LTBP3: variants seen among roughly 807,000 people sequenced by gnomAD.
LTBP3 encodes the protein latent transforming growth factor beta binding protein 3.
A neutral mutation model predicts 159.7 loss-of-function variants in LTBP3; 97 were observed. That is an observed-to-expected ratio of 0.61 (90% CI 0.52 to 0.72). LTBP3 has a LOEUF of 0.72. Among genes scored for constraint, LTBP3 ranks in the 30% least tolerant of loss-of-function variants. The pLI is 0.00. For synonymous variants in LTBP3, 824 were observed against 777.1 expected, an observed-to-expected ratio of 1.06 and a Z score of -1.00; for missense variants, 1,584 against 1,864.3, an observed-to-expected ratio of 0.85 and a Z score of 2.77.
chr11:65,551,402 C>A lies in LTBP3; in HGVS notation c.1621G>T (p.Glu541Ter). 6.2e-7 allele frequency: 1 copy of A among 1,612,924 alleles called. No homozygotes were observed. Among genetic ancestry groups the A allele is most frequent in the Non-Finnish European group, 8.5e-7 (1 of 1,179,958 alleles). The part of the protein sequence containing the change: ...ATTTPARPYP[E>*]LISRPSPPTM... ...CTCATCCCTACAGTGCCCAGCTCAC[C>A]GGGGTAGGGCCGGGCAGGAGTCGTG... is the stretch of plus-strand genomic sequence containing the variant. Residue 541 changes from glutamate to a stop codon, truncating the protein, a stop_gained and splice_region_variant, in exon 10 of 28, where the codon GAG becomes TAG. Coordinates refer to ENST00000301873, the MANE Select transcript of LTBP3 (RefSeq NM_001130144.3). LOFTEE classifies it high-confidence loss of function.
At chr11:65,548,478 T>G in intron 11 of LTBP3, 2 of 278,240 alleles carry the variant, frequency 7.2e-6, no homozygotes, top group East Asian at 7.5e-5. Flanking sequence ...CCATAAGCCC[T>G]TGCCCCAGGG....
chr11:65,539,381 A>C lies in LTBP3; in HGVS notation c.3707T>G (p.Val1236Gly). The part of the protein sequence containing the change: ...GRCVPRPGGA[V>G]CECPGGFQLD... ...CTGGAAGCCGCCGGGACACTCGCAC[A>C]CGGCGCCGCCCGGCCGCGGCACGCA... The change falls in exon 27 of 28, where the codon GTG (valine) becomes GGG (glycine). Residue 1236 changes from valine (V) to glycine (G), a missense_variant. This residue lies in a region of LTBP3 where 514 missense variants were observed against 530.3 expected (regional missense o/e 0.97). Coordinates refer to ENST00000301873, the MANE Select transcript of LTBP3 (RefSeq NM_001130144.3). The C allele has an allele frequency of 6.5e-7, 1 of 1,542,828 alleles. No individual in the cohort carries two copies. The highest frequency in any genetic ancestry group is 8.7e-7 in the Non-Finnish European group (1 of 1,143,004).
Position 65,553,951 on chromosome 11 carries a change from G to T in LTBP3, c.662-48C>A, listed in dbSNP as rs756560910. ...CAGGGCTGCCCGCACCGCGCCGCGG[G>T]TCACCGCGCTGAGCTCCTCCAGGGC... On this transcript the variant is annotated intron_variant, in intron 2 of 27. Transcript: ENST00000301873. This position sits in a 1 kb window ranked among gnomAD's most constrained non-coding sequence, Gnocchi z 6.5. 5 of 1,531,404 alleles carry T rather than the reference G, an allele frequency of 3.3e-6. No homozygotes were observed. The Admixed American group carries it at 5.6e-5, about 17-fold the overall frequency. The allele number at this position is 1,531,404 out of a possible 1,614,324, so 94.9% of individuals were successfully genotyped here. A position where few individuals can be genotyped will look rare whatever the true frequency, so the allele number is the denominator to read the frequency against.
Position 65,554,595 on chromosome 11 carries a change from T to C in LTBP3, c.332-215A>G, listed in dbSNP as rs778236880. 1.3e-5 allele frequency among the ~76,000 whole-genome samples: 2 copies of C among 152,164 alleles called. No individual in the cohort carries two copies. The highest frequency in any genetic ancestry group is 4.1e-4 in the South Asian group (2 of 4,832). On this transcript the variant is annotated intron_variant, in intron 1 of 27. Coordinates refer to ENST00000301873, the MANE Select transcript of LTBP3 (RefSeq NM_001130144.3). This position sits in a 1 kb window ranked among gnomAD's most constrained non-coding sequence, Gnocchi z 5.3. The stretch of plus-strand genomic sequence containing the variant: ...CAGGATTTAAATCCTCGCTAAGCCA[T>C]GTGCCAGCTGTGCGACCCTGAGCAA...
intron 8 of LTBP3, 192 bp from the exon 9 acceptor site, chr11:65,551,756 C>T: frequency 1.1e-6 from 1 of 897,044 alleles, no homozygotes. Flanking sequence ...GTTGAATGGC[C>T]TTGGGTTACA....
rs1856705420 is a variant in LTBP3, at chr11:65,553,848, T to C, written c.717A>G (p.Ser239=). ...NVRVHHPPEA[S]VQVHRIESSN... is the part of the protein sequence containing the mutation. The stretch of plus-strand genomic sequence containing the variant: ...AGCTCTCAATGCGGTGCACCTGGAC[T>C]GAGGCCTCGGGCGGGTGATGGACGC... The change falls in exon 3 of 28, where the codon TCA becomes TCG. Residue 239 remains serine (S), a synonymous_variant. Transcript: ENST00000301873. The surrounding 1 kb of genome is among the most constrained non-coding windows in gnomAD (Gnocchi z 6.5). The C allele has an allele frequency of 3.2e-6, 5 of 1,558,266 alleles. No individual in the cohort carries two copies. Among genetic ancestry groups the C allele is most frequent in the Non-Finnish European group, 4.3e-6 (5 of 1,159,392 alleles).
chr11:65,540,440 G>T (rs1316520757), intron 22 of LTBP3, 46 bp downstream of exon 22: 1 of 1,610,062 alleles, frequency 6.2e-7, no homozygotes, highest in Non-Finnish European at 8.5e-7. Flanking sequence ...GCGGTGGCGC[G>T]TGTCTCCCTG....
Position 65,553,156 on chromosome 11 carries a change from G to A in LTBP3, c.1063+8C>T. The A allele has an allele frequency of 2.5e-6, 4 of 1,613,766 alleles. No homozygotes were observed. Among genetic ancestry groups the A allele is most frequent in the Middle Eastern group, 3.3e-4 (2 of 6,046 alleles). On this transcript the variant is annotated splice_region_variant and intron_variant, in intron 5 of 27. Transcript: ENST00000301873. The surrounding 1 kb of genome is among the most constrained non-coding windows in gnomAD (Gnocchi z 6.5). ...CTCCAGCCCACAGAATCTCCTAGCT[G>A]GCCATACCCTGGCAGTGGGTGCTGT...
chr11:65,543,700 A>G, intron 16 of LTBP3, 151 bp from the exon 17 acceptor site: 1 of 1,028,640 alleles, frequency 9.7e-7, no homozygotes, highest in South Asian at 1.4e-5. Flanking sequence ...GGTGGCACAC[A>G]GTGCCCTGAC....
At position 65,553,612 on chromosome 11, in the gene LTBP3, C is replaced by G; in HGVS notation, c.865-82G>C. ...TAGGGTTGGGCCTTTTCCTCTTCCCCCGCCCCTCAGTTTTCTGCTATCCGA... is the reference window on the plus strand; with the variant it reads ...TAGGGTTGGGCCTTTTCCTCTTCCCGCGCCCCTCAGTTTTCTGCTATCCGA... On this transcript the variant is annotated intron_variant, in intron 3 of 27. Coordinates refer to ENST00000301873, the MANE Select transcript of LTBP3 (RefSeq NM_001130144.3). This position sits in a 1 kb window ranked among gnomAD's most constrained non-coding sequence, Gnocchi z 6.5. The G allele has an allele frequency of 6.6e-7, 1 of 1,512,376 alleles. No homozygotes were observed. Among genetic ancestry groups the G allele is most frequent in the Non-Finnish European group, 9.0e-7 (1 of 1,112,202 alleles). The allele number at this position is 1,512,376 out of a possible 1,614,324, so 93.7% of individuals were successfully genotyped here. A position where few individuals can be genotyped will look rare whatever the true frequency, so the allele number is the denominator to read the frequency against.
At chr11:65,545,506 C>G (rs185928413) in intron 16 of LTBP3, 308 of 231,972 alleles carry the variant, frequency 1.3e-3, no homozygotes, top group African/African-American at 6.5e-3. Context: ...AGCACTACCC[C>G]CTCACTCACC....
At chr11:65,542,971 TGG>T (rs1491179518) in intron 18 of LTBP3, 132 bp downstream of exon 18, 14 of 1,121,696 alleles carry the variant, frequency 1.2e-5, no homozygotes, top group Middle Eastern at 2.8e-4. Flanking sequence ...GATGGATGGA[TGG>T]ATAGATGGAT....
chr11:65,557,907 GC>G lies in LTBP3; in HGVS notation c.52del (p.Ala18ArgfsTer52), dbSNP rs1856867990. Reference sequence around the variant, plus strand: ...CAGCGCCAGCAGCCCCGCCGCCCCCGCCCCGCGCATCTCAGGGGCCAGGCCG... The same window carrying G: ...CAGCGCCAGCAGCCCCGCCGCCCCCGCCCGCGCATCTCAGGGGCCAGGCCG... ...AGGLAPEMRG[A>X]GAAGLLALLL... On this transcript the variant is annotated frameshift_variant, in exon 1 of 28. Transcript: ENST00000301873. LOFTEE classifies it high-confidence loss of function. 2 of 1,267,178 alleles carry G rather than the reference GC, an allele frequency of 1.6e-6. No homozygotes were observed. The highest frequency in any genetic ancestry group is 2.2e-5 in the South Asian group (1 of 46,110). 78.5% of individuals were successfully genotyped at this position (1,267,178 alleles called of 1,614,324 possible). A position where few individuals can be genotyped will look rare whatever the true frequency, so the allele number is the denominator to read the frequency against.
In LTBP3 at chr11:65,550,454, G is replaced by C. The variant is rs192948825; in HGVS notation, c.1720+672C>G. On this transcript the variant is annotated intron_variant, in intron 11 of 27. Coordinates refer to ENST00000301873, the MANE Select transcript of LTBP3 (RefSeq NM_001130144.3). ...AATAAAAATAAAAATAAAAAAATCAGAGTAGAAGGAAGGAGTTCTGAGGGT... is the reference window on the plus strand; with the variant it reads ...AATAAAAATAAAAATAAAAAAATCACAGTAGAAGGAAGGAGTTCTGAGGGT... Among the ~76,000 whole-genome samples, 230 of 151,910 alleles carry C rather than the reference G, an allele frequency of 1.5e-3. 1 individual carries two copies. The highest frequency in any genetic ancestry group is 4.8e-3 in the African/African-American group (197 of 41,374).
chr11:65,542,980 G>GGATA, intron 18 of LTBP3, 125 bp downstream of exon 18: 2 of 1,056,302 alleles, frequency 1.9e-6, no homozygotes, highest in South Asian at 1.4e-5. Context: ...ATGGATAGAT[G>GGATA]GATGGATGGA....
rs1590771252 is a variant in LTBP3 at position 65,546,677 on chromosome 11, T to C, written c.2231-113A>G. On this transcript the variant is annotated intron_variant, in intron 15 of 27. Coordinates refer to ENST00000301873, the MANE Select transcript of LTBP3 (RefSeq NM_001130144.3). This position sits in a 1 kb window ranked among gnomAD's most constrained non-coding sequence, Gnocchi z 4.0. ...GCGGGGTTGAGAGGGCAGCCTCTAC[T>C]CCCGGAAGGCCCCGCCCCCAGACGC... The C allele has an allele frequency of 1.3e-6, 2 of 1,547,114 alleles. No homozygotes were observed. The highest frequency in any genetic ancestry group is 2.7e-5 in the African/African-American group (2 of 74,050).
Position 65,547,511 on chromosome 11 carries a change from A to T in LTBP3, c.2035T>A (p.Phe679Ile). The change falls in exon 14 of 28, where the codon TTT (phenylalanine) becomes ATT (isoleucine). Residue 679 changes from phenylalanine to isoleucine, a missense_variant. This residue lies in a region of LTBP3 where 565 missense variants were observed against 677.7 expected (regional missense o/e 0.83). Coordinates refer to ENST00000301873, the MANE Select transcript of LTBP3 (RefSeq NM_001130144.3). The surrounding 1 kb of genome is among the most constrained non-coding windows in gnomAD (Gnocchi z 4.6). ...LCGDGGFCIN[F>I]PGHYKCNCYP... ...CAGTTGCACTTGTAGTGACCGGGAA[A>T]GTTGATGCAGAAGCCGCCGTCGCCG... The T allele has an allele frequency of 6.2e-6, 10 of 1,613,888 alleles. No individual in the cohort carries two copies. The highest frequency in any genetic ancestry group is 8.5e-6 in the Non-Finnish European group (10 of 1,179,910).
Position 65,540,273 on chromosome 11 carries a change from C to A in LTBP3, c.3216G>T (p.Gln1072His). ...CTPPAEYSPA[Q>H]RQCLSPEEMD... ...TCTCTTCCGGGCTCAGGCACTGGCG[C>A]TGCGCGGGACTGTACTCGGCAGGGG... Residue 1072 changes from glutamine to histidine, a missense_variant, in exon 23 of 28, where the codon CAG (glutamine) becomes CAT (histidine). This residue lies in a region of LTBP3 where 514 missense variants were observed against 530.3 expected (regional missense o/e 0.97). Transcript: ENST00000301873. 6.4e-7 allele frequency: 1 copy of A among 1,553,712 alleles called. No individual in the cohort carries two copies. The highest frequency in any genetic ancestry group is 8.7e-7 in the Non-Finnish European group (1 of 1,148,504).
At chr11:65,541,335 C>T in intron 19 of LTBP3, 42 bp from the exon 20 acceptor site, 2 of 1,600,410 alleles carry the variant, frequency 1.2e-6, no homozygotes, top group South Asian at 2.2e-5. Context: ...ACAGACCCCC[C>T]TTGGCCCTGT....
Sources: allele counts gnomAD v4.1 joint callset (sites outside exome capture counted in the v4.1 genomes callset), GRCh38; gene constraint gnomAD v4.1.1; regional missense constraint gnomAD v4.1.1; non-coding constraint Gnocchi (gnomAD v3.1); transcripts MANE v1.5; gene names NCBI Gene and HGNC (gene_info 2026-07-23, HGNC 2026-07-21).